The following SHTN1 variants were observed in gnomAD, a reference collection of about 807,000 sequenced individuals.
SHTN1 encodes shootin 1.
SHTN1 carries 42 observed loss-of-function variants against 83.1 expected under a neutral mutation model. That is an observed-to-expected ratio of 0.51 (90% CI 0.39 to 0.65). The LOEUF (loss-of-function observed/expected upper bound fraction) is 0.65, where lower values mean the gene tolerates loss of function less well. Ranked by LOEUF, SHTN1 falls within the 30% of genes least tolerant of loss-of-function variation. The pLI is 0.00. For synonymous variants in SHTN1, 224 were observed against 247.7 expected, an observed-to-expected ratio of 0.90 and a Z score of 0.90; for missense variants, 622 against 737.8, an observed-to-expected ratio of 0.84 and a Z score of 1.82.
rs1463432800 is a variant in SHTN1 at position 116,970,065 on chromosome 10, TATG to T, written c.112-1356_112-1354del. On this transcript the variant is annotated intron_variant, in intron 2 of 16. Coordinates refer to ENST00000355371, the MANE Select transcript of SHTN1 (RefSeq NM_001127211.3). Reference sequence around the variant, plus strand: ...TTCCGATTTTCAATAGCTAAAAAATTATGATGTCACATAATGTGAAAAATCCAG... The same window carrying T: ...TTCCGATTTTCAATAGCTAAAAAATTATGTCACATAATGTGAAAAATCCAG... 5.9e-5 allele frequency among the ~76,000 whole-genome samples: 9 copies of T among 152,290 alleles called. No individual in the cohort carries two copies. In the East Asian group the frequency reaches 1.5e-3, roughly 26 times the overall value.
chr10:117,115,499 T>C (rs925186100), intron 1 of SHTN1, among the ~76,000 whole-genome samples: 2 of 152,222 alleles, frequency 1.3e-5, no homozygotes, highest in Non-Finnish European at 2.9e-5. Context: ...TAAATGTTAC[T>C]GCTTGGCTAT....
chr10:116,989,835 T>C (rs1851355445), intron 1 of SHTN1, among the ~76,000 whole-genome samples: 1 of 152,254 alleles, frequency 6.6e-6, no homozygotes, highest in Admixed American at 6.5e-5. Flanking sequence ...ATAAACCTGC[T>C]GTCTCTTGTT....
intron 2 of SHTN1, among the ~76,000 whole-genome samples, chr10:117,024,348 CTTTTTTTTTTTTT>C (rs1174576153): frequency 5.1e-5 from 4 of 77,688 alleles, no homozygotes; most frequent in South Asian, 9.0e-4. Context: ...CAAAACTTTT[CTTTTTTTTTTTTT>C]TTTTTTTTTT....
At chr10:116,891,543 C>T (rs1306363053) in intron 16 of SHTN1, among the ~76,000 whole-genome samples, 1 of 152,170 alleles carries the variant, frequency 6.6e-6, no homozygotes, top group East Asian at 1.9e-4. Context: ...TTTATAAAGT[C>T]GTTTCCTGGA....
intron 2 of SHTN1, among the ~76,000 whole-genome samples, chr10:117,046,792 T>C (rs1852669545): frequency 6.6e-6 from 1 of 151,982 alleles, no homozygotes; most frequent in Non-Finnish European, 1.5e-5. Flanking sequence ...ATGTCCAAAA[T>C]AGGACAGTCC....
At chr10:116,982,114 T>G (rs1485611163) in intron 1 of SHTN1, among the ~76,000 whole-genome samples, 1 of 152,116 alleles carries the variant, frequency 6.6e-6, no homozygotes, top group Non-Finnish European at 1.5e-5. Flanking sequence ...ATTAAGAAAT[T>G]TTTTCTATTT....
At chr10:117,090,420 T>G (rs898342702) in intron 1 of SHTN1, among the ~76,000 whole-genome samples, 1 of 151,694 alleles carries the variant, frequency 6.6e-6, no homozygotes. Context: ...GGCTGGGGAG[T>G]TGTTGTTTTA....
chr10:117,090,456 G>A (rs1853413237), intron 1 of SHTN1, among the ~76,000 whole-genome samples: 1 of 152,150 alleles, frequency 6.6e-6, no homozygotes, highest in South Asian at 2.1e-4. Flanking sequence ...CAGTTTTGCA[G>A]GATGAAGAAG....
chr10:117,122,836 ATAAT>A (rs1853951305), intron 1 of SHTN1, among the ~76,000 whole-genome samples: 1 of 152,236 alleles, frequency 6.6e-6, no homozygotes, highest in Admixed American at 6.5e-5. Context: ...AAGAAAAATA[ATAAT>A]TAAAGTACTT....
intron 8 of SHTN1, among the ~76,000 whole-genome samples, chr10:116,944,609 G>A (rs1345772301): frequency 6.6e-6 from 1 of 152,076 alleles, no homozygotes; most frequent in African/African-American, 2.4e-5. Flanking sequence ...AATTCAAAAG[G>A]TTTTTACGGC....
chr10:116,987,432 G>C (rs1186283853), intron 1 of SHTN1, among the ~76,000 whole-genome samples: 1 of 152,154 alleles, frequency 6.6e-6, no homozygotes, highest in Non-Finnish European at 1.5e-5. Flanking sequence ...GGTACATCCA[G>C]ATAACGGAAC....
intron 2 of SHTN1, among the ~76,000 whole-genome samples, chr10:117,036,427 C>T (rs1852498088): frequency 6.6e-6 from 1 of 152,160 alleles, no homozygotes; most frequent in African/African-American, 2.4e-5. Flanking sequence ...AAATGTGCTA[C>T]TTATACACAA....
At chr10:116,937,046 C>G (rs1849194914) in intron 9 of SHTN1, among the ~76,000 whole-genome samples, 1 of 151,970 alleles carries the variant, frequency 6.6e-6, no homozygotes, top group South Asian at 2.1e-4. Context: ...TTATTTTAAG[C>G]CTATGTGTCT....
At chr10:117,072,745 G>C (rs1246056693) in intron 1 of SHTN1, among the ~76,000 whole-genome samples, 1 of 152,170 alleles carries the variant, frequency 6.6e-6, no homozygotes, top group African/African-American at 2.4e-5. Flanking sequence ...CCCTCTGACA[G>C]TCTACCCAAA....
At chr10:117,070,832 G>A (rs1853069691) in intron 1 of SHTN1, among the ~76,000 whole-genome samples, 1 of 151,726 alleles carries the variant, frequency 6.6e-6, no homozygotes, top group African/African-American at 2.4e-5. Context: ...GCAGGCTTTA[G>A]TAGGGATAAA....
chr10:117,095,329 G>A (rs1016329165), intron 1 of SHTN1, among the ~76,000 whole-genome samples: 1 of 152,154 alleles, frequency 6.6e-6, no homozygotes. Flanking sequence ...ATATAACAAT[G>A]TTTCCATCCC....
intron 1 of SHTN1, among the ~76,000 whole-genome samples, chr10:117,058,701 T>C (rs1309338067): frequency 2.6e-5 from 4 of 152,180 alleles, no homozygotes; most frequent in African/African-American, 9.7e-5. Context: ...GGGATATTTG[T>C]ACACCTATGT....
At chr10:116,927,140 T>C (rs1230528618) in intron 11 of SHTN1, among the ~76,000 whole-genome samples, 1 of 152,222 alleles carries the variant, frequency 6.6e-6, no homozygotes, top group East Asian at 1.9e-4. Flanking sequence ...TACGTTTTCA[T>C]TTAGTATTTT....
chr10:117,073,400 ATAC>A (rs1461019526), intron 1 of SHTN1, among the ~76,000 whole-genome samples: 1 of 152,226 alleles, frequency 6.6e-6, no homozygotes, highest in East Asian at 1.9e-4. Context: ...TATGAAGTAC[ATAC>A]TATTATTTAG....
Sources: allele counts gnomAD v4.1 joint callset (sites outside exome capture counted in the v4.1 genomes callset), GRCh38; gene constraint gnomAD v4.1.1; transcripts MANE v1.5; gene names NCBI Gene and HGNC (gene_info 2026-07-23, HGNC 2026-07-21).